The following RIMS2 variants were observed in gnomAD, a reference collection of about 807,000 sequenced individuals.
RIMS2 encodes the protein regulating synaptic membrane exocytosis protein 2.
Under a neutral mutation model 174.4 loss-of-function variants are expected in RIMS2, and 59 were observed. That is an observed-to-expected ratio of 0.34 (90% CI 0.27 to 0.42). The LOEUF (loss-of-function observed/expected upper bound fraction) is 0.42, where lower values mean the gene tolerates loss of function less well. Among genes scored for constraint, RIMS2 ranks in the 10% least tolerant of loss-of-function variants. The probability of loss-of-function intolerance (pLI) is 1.00; values close to 1 mark genes in which losing one functional copy is unlikely to be tolerated. For synonymous variants in RIMS2, 606 were observed against 572.5 expected, an observed-to-expected ratio of 1.06 and a Z score of -0.84; for missense variants, 1,620 against 1,666.3, an observed-to-expected ratio of 0.97 and a Z score of 0.48.
chr8:103,793,283 A>G (rs1227039939), intron 3 of RIMS2, among the ~76,000 whole-genome samples: 3 of 152,228 alleles, frequency 2.0e-5, no homozygotes, highest in Non-Finnish European at 2.9e-5. Flanking sequence ...CAACATACGC[A>G]AATCAGTAAA....
At chr8:104,037,671 A>G (rs1384270069) in intron 19 of RIMS2, among the ~76,000 whole-genome samples, 1 of 152,166 alleles carries the variant, frequency 6.6e-6, no homozygotes, top group African/African-American at 2.4e-5. Flanking sequence ...TAGTTAAAAC[A>G]TTTTACTTTG....
chr8:103,943,032 T>C, intron 14 of RIMS2, 106 bp downstream of exon 16: 3 of 787,798 alleles, frequency 3.8e-6, no homozygotes, highest in Non-Finnish European at 6.0e-6. Flanking sequence ...TAATAGTCAT[T>C]TGTTAGTGTT....
chr8:103,836,211 G>A (rs1791902176), intron 3 of RIMS2, among the ~76,000 whole-genome samples: 1 of 152,154 alleles, frequency 6.6e-6, no homozygotes, highest in African/African-American at 2.4e-5. Flanking sequence ...TGAAAAGTGT[G>A]TGCTGAAGAA....
chr8:103,670,082 G>A (rs959964037), intron 1 of RIMS2, among the ~76,000 whole-genome samples: 1 of 152,228 alleles, frequency 6.6e-6, no homozygotes, highest in Admixed American at 6.5e-5. Flanking sequence ...CTAGACAAAG[G>A]TTCCCAAACC....
At position 103,884,734 on chromosome 8, in the gene RIMS2, AG is replaced by A. The variant is rs1468441896; in HGVS notation, c.699-561del. On this transcript the variant is annotated intron_variant, in intron 3 of 23. Transcript: ENST00000504942. ...TTATCTCAAGTTAGATCAATAAAAA[AG>A]GGTTGGAGACATGATGATAAAATGA... 2.0e-5 allele frequency among the ~76,000 whole-genome samples: 3 copies of A among 151,904 alleles called. No individual in the cohort carries two copies. In the East Asian group the frequency reaches 5.8e-4, roughly 29 times the overall value.
chr8:103,611,554 G>T (rs1238249994), intron 1 of RIMS2, among the ~76,000 whole-genome samples: 3 of 148,362 alleles, frequency 2.0e-5, no homozygotes, highest in Non-Finnish European at 4.5e-5. Flanking sequence ...TTTGTCAGAT[G>T]TAGTATTTTA....
At chr8:104,249,635 T>C (rs1326301954) in intron 22 of RIMS2, 47 bp downstream of exon 28, 1 of 1,114,658 alleles carries the variant, frequency 9.0e-7, no homozygotes, top group East Asian at 2.4e-5. Context: ...ATCCATATTG[T>C]TTCAATTTAG....
chr8:104,237,491 T>C (rs368687908), intron 19 of RIMS2, among the ~76,000 whole-genome samples: 3 of 152,262 alleles, frequency 2.0e-5, no homozygotes, highest in African/African-American at 7.2e-5. Context: ...TTTGCTCACA[T>C]TTCATTGGAC....
chr8:104,145,770 G>A (rs2098633184), intron 19 of RIMS2, among the ~76,000 whole-genome samples: 1 of 151,912 alleles, frequency 6.6e-6, no homozygotes, highest in African/African-American at 2.4e-5. Flanking sequence ...GGCTGCGACA[G>A]GAGAATCACT....
chr8:104,034,415 A>T (rs1221901150), intron 19 of RIMS2, among the ~76,000 whole-genome samples: 1 of 146,296 alleles, frequency 6.8e-6, no homozygotes, highest in African/African-American at 2.5e-5. Flanking sequence ...CTGAACTGGG[A>T]TGTCTTGAGA....
intron 20 of RIMS2, among the ~76,000 whole-genome samples, chr8:104,245,699 A>G (rs1435773855): frequency 6.6e-6 from 1 of 152,202 alleles, no homozygotes; most frequent in African/African-American, 2.4e-5. Flanking sequence ...AAAGGACATT[A>G]ACAAAGGAAA....
chr8:103,610,068 T>C (rs2095313240), intron 1 of RIMS2, among the ~76,000 whole-genome samples: 1 of 152,208 alleles, frequency 6.6e-6, no homozygotes, highest in Non-Finnish European at 1.5e-5. Context: ...GCTGTATTCC[T>C]AGGCATTTTC....
intron 2 of RIMS2, among the ~76,000 whole-genome samples, chr8:103,732,466 C>G (rs1402675515): frequency 2.0e-5 from 3 of 152,102 alleles, no homozygotes; most frequent in Non-Finnish European, 4.4e-5. Flanking sequence ...TATGTTCACT[C>G]AAGGCTTAAG....
intron 14 of RIMS2, among the ~76,000 whole-genome samples, chr8:103,951,335 G>A (rs1420557455): frequency 6.6e-6 from 1 of 152,190 alleles, no homozygotes; most frequent in Admixed American, 6.5e-5. Context: ...GACCGAATAG[G>A]AACACCTCTG....
intron 3 of RIMS2, among the ~76,000 whole-genome samples, chr8:103,884,350 AAACCTTTTCT>A (rs2099187425): frequency 6.6e-6 from 1 of 151,878 alleles, no homozygotes. Flanking sequence ...ATAGTTTTCT[AAACCTTTTCT>A]GTTATCTTCA....
intron 3 of RIMS2, among the ~76,000 whole-genome samples, chr8:103,805,033 A>G (rs1479333867): frequency 1.3e-5 from 2 of 152,050 alleles, no homozygotes; most frequent in Non-Finnish European, 1.5e-5. Context: ...GCCTCAAGCA[A>G]TCTTCCTGCC....
At chr8:104,211,806 G>T (rs551332478) in intron 19 of RIMS2, among the ~76,000 whole-genome samples, 3 of 152,078 alleles carry the variant, frequency 2.0e-5, no homozygotes, top group Non-Finnish European at 4.4e-5. Flanking sequence ...GAGCCACCGC[G>T]CGTGACTGGA....
chr8:104,080,044 T>C (rs1273688247), intron 19 of RIMS2, among the ~76,000 whole-genome samples: 2 of 152,088 alleles, frequency 1.3e-5, no homozygotes, highest in East Asian at 3.8e-4. Flanking sequence ...TGTTTTCTAA[T>C]GGGCATACAA....
At chr8:103,742,746 T>C (rs2097773342) in intron 2 of RIMS2, among the ~76,000 whole-genome samples, 1 of 152,172 alleles carries the variant, frequency 6.6e-6, no homozygotes. Flanking sequence ...TCAAGAGAGA[T>C]GGTTTCATGC....
Sources: allele counts gnomAD v4.1 joint callset (sites outside exome capture counted in the v4.1 genomes callset), GRCh38; gene constraint gnomAD v4.1.1; transcripts MANE v1.5; gene names NCBI Gene and HGNC (gene_info 2026-07-23, HGNC 2026-07-21).